The following NAA15 variants were observed in gnomAD, a reference collection of about 807,000 sequenced individuals.
NAA15 encodes the protein N-alpha-acetyltransferase 15, NatA auxiliary subunit.
Under a neutral mutation model 114.0 loss-of-function variants are expected in NAA15, and 34 were observed. The ratio of observed to expected loss-of-function variants is 0.30; its 90% CI spans 0.23 to 0.40. The LOEUF (loss-of-function observed/expected upper bound fraction) is 0.40, where lower values mean the gene tolerates loss of function less well. NAA15 is among the 10% of genes least tolerant of loss of function. The pLI is 1.00. For synonymous variants in NAA15, 340 were observed against 338.0 expected (o/e 1.01, Z -0.06); for missense variants, 658 against 1,004.5 (o/e 0.66, Z 4.66).
At position 139,359,756 on chromosome 4, in the gene NAA15, T is replaced by C. The variant is rs1382149919; in HGVS notation, c.1271T>C (p.Ile424Thr). The C allele has an allele frequency of 3.7e-6, 6 of 1,602,312 alleles. No homozygotes were observed. Among genetic ancestry groups the C allele is most frequent in the Admixed American group, 1.8e-5 (1 of 55,702 alleles). The change falls in exon 12 of 20, where the codon ATT becomes ACT. Residue 424 changes from isoleucine (I) to threonine (T), a missense_variant. Ile to Thr is a moderately conservative substitution (Grantham distance 89). Transcript: ENST00000296543. ...GTACCTTATAAGCATGCTGGAAATA[T>C]TAAAGAAGCTGCAAGGTGGATGGAT... ...KAKIYKHAGN[I>T]KEAARWMDEA...
chr4:139,378,598 T>C (rs1031774573), intron 16 of NAA15, among the ~76,000 whole-genome samples, 158 bp from the exon 17 acceptor site: 6 of 152,210 alleles, frequency 3.9e-5, no homozygotes, highest in African/African-American at 1.4e-4. Flanking sequence ...TATTAACTAA[T>C]GTTGCTAAAT....
intron 15 of NAA15, among the ~76,000 whole-genome samples, chr4:139,373,082 A>C (rs113561181): frequency 2.0e-5 from 3 of 151,978 alleles, no homozygotes; most frequent in African/African-American, 7.3e-5. Context: ...GGATTCTACC[A>C]TGTTGCCCAG....
At chr4:139,317,868 CAT>C (rs760704940) in intron 1 of NAA15, among the ~76,000 whole-genome samples, 13 of 152,316 alleles carry the variant, frequency 8.5e-5, no homozygotes, top group South Asian at 2.1e-4. Flanking sequence ...GTCTGTCAAT[CAT>C]GTGTGTAATC....
rs1453577317 is a variant in NAA15, at chr4:139,390,907, G to A, written c.*2823G>A. On this transcript the variant is annotated 3_prime_UTR_variant, in exon 20 of 20. Transcript: ENST00000296543. ...TTGCTATTAGAGCTGTGAAATGAAAGCTGTGACTTTATGAAGAGATCAAAA... is the reference window on the plus strand; with the variant it reads ...TTGCTATTAGAGCTGTGAAATGAAAACTGTGACTTTATGAAGAGATCAAAA... 1 of 152,162 alleles carries A rather than the reference G, an allele frequency of 6.6e-6. No individual in the cohort carries two copies. Among genetic ancestry groups the A allele is most frequent in the African/African-American group, 2.4e-5 (1 of 41,436 alleles). The allele number at this position is 152,162 out of a possible 1,614,324, so 9.4% of individuals were successfully genotyped here.
rs1748958466 is a variant in NAA15, at chr4:139,388,092, T to C, written c.*8T>C. On this transcript the variant is annotated 3_prime_UTR_variant, in exon 20 of 20. Coordinates refer to ENST00000296543, the MANE Select transcript of NAA15 (RefSeq NM_057175.5). ...CTGGCCAATGAAATTTGAACATCAC[T>C]AAACAAGCAAATGGAATGACTTTGG... 6.2e-7 allele frequency: 1 copy of C among 1,611,822 alleles called. No individual in the cohort carries two copies. Among genetic ancestry groups the C allele is most frequent in the Non-Finnish European group, 8.5e-7 (1 of 1,178,378 alleles).
intron 15 of NAA15, among the ~76,000 whole-genome samples, chr4:139,371,461 A>C (rs1321671135): frequency 1.3e-5 from 2 of 148,150 alleles, no homozygotes; most frequent in East Asian, 4.0e-4. Flanking sequence ...AGACATAGCA[A>C]GACTCTGTCT....
intron 1 of NAA15, 31 bp downstream of exon 1, chr4:139,301,862 G>T: frequency 6.4e-7 from 1 of 1,573,768 alleles, no homozygotes. Context: ...AAGCGGTGGG[G>T]AGGATTTAGC....
intron 1 of NAA15, among the ~76,000 whole-genome samples, chr4:139,312,010 G>C (rs916986683): frequency 2.0e-5 from 3 of 151,758 alleles, no homozygotes; most frequent in African/African-American, 7.3e-5. Flanking sequence ...TGTTAGAGTT[G>C]CTTTGTGTTT....
intron 15 of NAA15, 137 bp downstream of exon 15, chr4:139,370,541 A>G (rs1748407305): frequency 2.8e-6 from 2 of 726,306 alleles, no homozygotes; most frequent in Non-Finnish European, 3.9e-6. Context: ...ATTTTTTAGT[A>G]TTCTTTCTTT....
At chr4:139,310,672 G>A (rs752957093) in intron 1 of NAA15, among the ~76,000 whole-genome samples, 1 of 151,584 alleles carries the variant, frequency 6.6e-6, no homozygotes, top group Non-Finnish European at 1.5e-5. Flanking sequence ...AGCCTAGCAT[G>A]CAGTGGCACA....
At chr4:139,307,712 T>C (rs1477552928) in intron 1 of NAA15, among the ~76,000 whole-genome samples, 1 of 152,218 alleles carries the variant, frequency 6.6e-6, no homozygotes, top group Non-Finnish European at 1.5e-5. Context: ...TAGAGTCCTT[T>C]CTTAATTCTC....
At chr4:139,335,316 T>C (rs992912289) in intron 2 of NAA15, among the ~76,000 whole-genome samples, 4 of 152,178 alleles carry the variant, frequency 2.6e-5, no homozygotes, top group African/African-American at 9.7e-5. Flanking sequence ...CAGAAAAGTA[T>C]CAGATTTCAT....
chr4:139,360,606 A>G lies in NAA15; in HGVS notation c.1517A>G (p.Lys506Arg), dbSNP rs994717258. The change falls in exon 13 of 20, where the codon AAG (lysine) becomes AGG (arginine). Residue 506 changes from lysine (K) to arginine (R), a missense_variant. Physicochemically the swap from Lys to Arg is conservative, Grantham distance 26. Coordinates refer to ENST00000296543, the MANE Select transcript of NAA15 (RefSeq NM_057175.5). ...ATGAATAAATTTGGTGAAGCACTTA[A>G]GAAATGTCATGAGATTGAGAGAGTA... is the stretch of plus-strand genomic sequence containing the variant. ...KAMNKFGEAL[K>R]KCHEIERHFI... 29 of 1,607,960 alleles carry G rather than the reference A, an allele frequency of 1.8e-5. No individual in the cohort carries two copies. The highest frequency in any genetic ancestry group is 5.1e-5 in the Admixed American group (3 of 58,906).
intron 16 of NAA15, among the ~76,000 whole-genome samples, chr4:139,376,832 T>C (rs1748594446): frequency 6.6e-6 from 1 of 152,242 alleles, no homozygotes. Flanking sequence ...TATTATTAGC[T>C]ATTGTTATAA....
At chr4:139,323,029 G>A (rs1326753993) in intron 1 of NAA15, among the ~76,000 whole-genome samples, 3 of 150,248 alleles carry the variant, frequency 2.0e-5, no homozygotes, top group Admixed American at 1.3e-4. Context: ...GATTCCTGTG[G>A]CAGATTTCTT....
chr4:139,305,045 G>T (rs1008643747), intron 1 of NAA15, among the ~76,000 whole-genome samples: 2 of 152,190 alleles, frequency 1.3e-5, no homozygotes, highest in Non-Finnish European at 2.9e-5. Flanking sequence ...TCAGCCTCCG[G>T]AGTAGGGGGG....
At chr4:139,305,791 C>T (rs117188208) in intron 1 of NAA15, among the ~76,000 whole-genome samples, 2 of 152,308 alleles carry the variant, frequency 1.3e-5, no homozygotes, top group African/African-American at 2.4e-5. Context: ...GCCTTGGCCT[C>T]CCAGAATGCT....
At chr4:139,324,770 A>C (rs1746736229) in intron 1 of NAA15, among the ~76,000 whole-genome samples, 1 of 152,120 alleles carries the variant, frequency 6.6e-6, no homozygotes. Flanking sequence ...ATTTTTTGTT[A>C]CTTTTTCCTT....
chr4:139,311,996 G>A lies in NAA15; in HGVS notation c.54+10165G>A, dbSNP rs919067318. 4.6e-5 allele frequency among the ~76,000 whole-genome samples: 7 copies of A among 151,688 alleles called. No individual in the cohort carries two copies. The South Asian group carries it at 6.2e-4, about 13-fold the overall frequency. Reference sequence around the variant, plus strand: ...AAAAAAAATTTGAGGGAAAGTAATCGTAGTGTTAGAGTTGCTTTGTGTTTT... The same window carrying A: ...AAAAAAAATTTGAGGGAAAGTAATCATAGTGTTAGAGTTGCTTTGTGTTTT... On this transcript the variant is annotated intron_variant, in intron 1 of 19. Coordinates refer to ENST00000296543, the MANE Select transcript of NAA15 (RefSeq NM_057175.5).
Sources: allele counts gnomAD v4.1 joint callset (sites outside exome capture counted in the v4.1 genomes callset), GRCh38; gene constraint gnomAD v4.1.1; transcripts MANE v1.5; gene names NCBI Gene and HGNC (gene_info 2026-07-23, HGNC 2026-07-21).